Variants in HAGH observed in about 807,000 individuals in gnomAD.
The protein encoded by HAGH is hydroxyacylglutathione hydrolase, also known as hydroxyacylglutathione hydrolase, mitochondrial.
Under a neutral mutation model 35.1 loss-of-function variants are expected in HAGH, and 29 were observed. The observed-to-expected ratio is 0.83, with a 90% CI of 0.62 to 1.13. HAGH has a LOEUF of 1.13. Ranked by LOEUF, HAGH falls within the 50% of genes most tolerant of loss-of-function variation. The probability of loss-of-function intolerance (pLI) is 0.00; values close to 1 mark genes in which losing one functional copy is unlikely to be tolerated. For synonymous variants in HAGH, 225 were observed against 176.1 expected, an observed-to-expected ratio of 1.28 and a Z score of -2.20; for missense variants, 478 against 419.6, an observed-to-expected ratio of 1.14 and a Z score of -1.22.
chr16:1,827,001 G>A (rs976612401), upstream of HAGH: 298 of 668,972 alleles, frequency 4.5e-4, no homozygotes, highest in Non-Finnish European at 6.3e-4. Context: ...AGCGGCGGCG[G>A]CGGCCCGAGA....
At chr16:1,818,219 C>T (rs60852871) in intron 5 of HAGH, among the ~76,000 whole-genome samples, 2 of 152,062 alleles carry the variant, frequency 1.3e-5, no homozygotes, top group South Asian at 2.1e-4. Context: ...CCAGGGACTC[C>T]GTGCTCGCTG....
chr16:1,817,494 C>T (rs943927511), intron 5 of HAGH, among the ~76,000 whole-genome samples: 10 of 152,118 alleles, frequency 6.6e-5, no homozygotes, highest in Admixed American at 2.6e-4. Flanking sequence ...CGAGCAGACC[C>T]GAAACCCAAG....
Position 1,817,174 on chromosome 16 carries a change from CG to C in HAGH, c.638del (p.Pro213ArgfsTer61), listed in dbSNP as rs751524326. ...ALLEVLGRLP[P>X]DTRVYCGHEY... The stretch of plus-strand genomic sequence containing the variant: ...GCAGGGAGGCGCTGCCTACTGTGTC[CG>C]GGGGGAGCCGGCCCAAGACCTCCAG... On this transcript the variant is annotated frameshift_variant, in exon 6 of 9. Transcript: ENST00000397356. LOFTEE classifies it high-confidence loss of function. 5.0e-6 allele frequency: 8 copies of C among 1,604,596 alleles called. No individual in the cohort carries two copies. Among genetic ancestry groups the C allele is most frequent in the Non-Finnish European group, 6.8e-6 (8 of 1,171,346 alleles).
intron 7 of HAGH, 52 bp from the exon 8 acceptor site, chr16:1,809,885 C>G: frequency 7.3e-7 from 1 of 1,374,622 alleles, no homozygotes; most frequent in Non-Finnish European, 1.0e-6. Flanking sequence ...GATGGCAGAC[C>G]AGGCACGGAG....
chr16:1,821,349 G>A (rs1898141296), intron 3 of HAGH, among the ~76,000 whole-genome samples: 2 of 152,168 alleles, frequency 1.3e-5, no homozygotes, highest in South Asian at 2.1e-4. Flanking sequence ...CCAAGGAGAG[G>A]ACCAAAGGCT....
At chr16:1,826,948 G>T (rs7188401), upstream of HAGH, 97 of 630,900 alleles carry the variant, frequency 1.5e-4, no homozygotes, top group African/African-American at 1.7e-3. Context: ...AACTTGTTTT[G>T]TCCGCGAGCC....
intron 7 of HAGH, chr16:1,812,510 A>AAAAAC (rs1555466953): frequency 3.9e-5 from 1 of 25,886 alleles, no homozygotes; most frequent in East Asian, 9.1e-4. Flanking sequence ...GTCTCAAAAA[A>AAAAAC]AAAAAAAAAC....
In HAGH at chr16:1,822,281, G is replaced by C; in HGVS notation, c.314+19C>G. 1.3e-6 allele frequency: 2 copies of C among 1,571,066 alleles called. No homozygotes were observed. Among genetic ancestry groups the C allele is most frequent in the Non-Finnish European group, 1.8e-6 (2 of 1,141,648 alleles). Reference sequence around the variant, plus strand: ...AAGTGAGCCAGGTCCCACACCCCCAGGTGAGACGCGGCACTTACCAGTGGT... The same window carrying C: ...AAGTGAGCCAGGTCCCACACCCCCACGTGAGACGCGGCACTTACCAGTGGT... On this transcript the variant is annotated intron_variant, in intron 3 of 8. Coordinates refer to ENST00000397356, the MANE Select transcript of HAGH (RefSeq NM_005326.6).
chr16:1,816,230 A>G (rs1046449552), intron 7 of HAGH, among the ~76,000 whole-genome samples: 2 of 149,582 alleles, frequency 1.3e-5, no homozygotes, highest in East Asian at 4.0e-4. Context: ...AAAAAAAAAG[A>G]TGAGTATTTA....
intron 1 of HAGH, 58 bp downstream of exon 1, chr16:1,826,654 C>A: frequency 1.0e-6 from 1 of 965,746 alleles, no homozygotes; most frequent in South Asian, 4.6e-5. Flanking sequence ...CCGGCGCCGC[C>A]CGCTGCCCGC....
chr16:1,825,756 G>A (rs1006015319), intron 1 of HAGH, among the ~76,000 whole-genome samples: 2 of 152,048 alleles, frequency 1.3e-5, no homozygotes. Flanking sequence ...TTTAGTTTTT[G>A]TAGCGATGAG....
At chr16:1,817,410 G>T in intron 5 of HAGH, 139 bp from the exon 6 acceptor site, 1 of 661,698 alleles carries the variant, frequency 1.5e-6, no homozygotes, top group Middle Eastern at 3.0e-4. Context: ...CGGCTGCCCA[G>T]ACTCAGCCCC....
chr16:1,810,104 G>A, intron 7 of HAGH: 1 of 471,416 alleles, frequency 2.1e-6, no homozygotes, highest in South Asian at 2.2e-5. Context: ...CGAGGCTACA[G>A]TGAGCCAAGA....
At chr16:1,816,708 G>A (rs879534118) in intron 7 of HAGH, among the ~76,000 whole-genome samples, 185 bp downstream of exon 7, 5 of 152,364 alleles carry the variant, frequency 3.3e-5, no homozygotes, top group African/African-American at 7.2e-5. Flanking sequence ...GACCCTCCGA[G>A]GCAGAGGGAT....
intron 7 of HAGH, among the ~76,000 whole-genome samples, chr16:1,814,223 C>T (rs982336501): frequency 6.6e-6 from 1 of 151,978 alleles, no homozygotes; most frequent in African/African-American, 2.4e-5. Context: ...ATCTGTAATC[C>T]CAGCACTTTT....
chr16:1,818,914 T>A, intron 5 of HAGH: 1 of 574,330 alleles, frequency 1.7e-6, no homozygotes, highest in Non-Finnish European at 3.1e-6. Context: ...GCTGCAAGCG[T>A]AACTTCCTTC....
chr16:1,826,889 T>C, upstream of HAGH: 1 of 763,164 alleles, frequency 1.3e-6, no homozygotes, highest in South Asian at 3.6e-5. Context: ...CCTCAGCCAA[T>C]CAGCGTCCAC....
At chr16:1,820,839 G>A (rs1898123246) in intron 3 of HAGH, among the ~76,000 whole-genome samples, 2 of 152,178 alleles carry the variant, frequency 1.3e-5, no homozygotes, top group African/African-American at 4.8e-5. Flanking sequence ...GGCACCACAG[G>A]CCTTGGTCTG....
At chr16:1,819,088 C>T (rs750304534) in intron 5 of HAGH, 27 bp downstream of exon 5, 42 of 1,422,956 alleles carry the variant, frequency 3.0e-5, no homozygotes, top group South Asian at 4.6e-5. Flanking sequence ...GAAGAACCCC[C>T]GCCCCCACCC....
Sources: allele counts gnomAD v4.1 joint callset (sites outside exome capture counted in the v4.1 genomes callset), GRCh38; gene constraint gnomAD v4.1.1; transcripts MANE v1.5; gene names NCBI Gene and HGNC (gene_info 2026-07-23, HGNC 2026-07-21).